The following YEATS2 variants were observed in gnomAD, a reference collection of about 807,000 sequenced individuals.
YEATS2 encodes the protein YEATS domain-containing protein 2.
YEATS2 carries 77 observed loss-of-function variants against 163.2 expected under a neutral mutation model. The observed-to-expected ratio is 0.47, with a 90% CI of 0.39 to 0.57. The LOEUF (loss-of-function observed/expected upper bound fraction) is 0.57, where lower values mean the gene tolerates loss of function less well. YEATS2 is among the 20% of genes least tolerant of loss of function. YEATS2 has a pLI of 0.00. For missense variants in YEATS2, 1,549 were observed against 1,729.8 expected (o/e 0.90, Z 1.85); for synonymous variants, 631 against 645.1 (o/e 0.98, Z 0.33).
chr3:183,806,921 G>A lies in YEATS2; in HGVS notation c.3840G>A (p.Leu1280=), dbSNP rs745833657. 1 of 1,614,034 alleles carries A rather than the reference G, an allele frequency of 6.2e-7. No individual in the cohort carries two copies. ...ADNLCRKLED[L]QQFQKREPEN... is the part of the protein sequence containing the mutation. Reference sequence around the variant, plus strand: ...ACCTCTGCCGCAAACTGGAGGACCTGCAACAGTTCCAGAAAAGGGAACCCG... The same window carrying A: ...ACCTCTGCCGCAAACTGGAGGACCTACAACAGTTCCAGAAAAGGGAACCCG... Residue 1280 remains leucine, a synonymous_variant, in exon 28 of 31, where the codon CTG becomes CTA. Transcript: ENST00000305135.
intron 7 of YEATS2, 59 bp downstream of exon 7, chr3:183,728,910 A>G: frequency 1.3e-6 from 2 of 1,486,194 alleles, no homozygotes; most frequent in Non-Finnish European, 1.8e-6. Context: ...TTGAAGTGGA[A>G]GAAAAGTGAT....
intron 3 of YEATS2, 144 bp downstream of exon 3, chr3:183,717,892 G>A (rs1228129686): frequency 5.2e-6 from 2 of 381,410 alleles, no homozygotes; most frequent in Non-Finnish European, 8.7e-6. Context: ...TAGCTTTCAT[G>A]TTTTGGGGAG....
chr3:183,729,251 G>A (rs1717454407), intron 7 of YEATS2, among the ~76,000 whole-genome samples: 1 of 149,914 alleles, frequency 6.7e-6, no homozygotes, highest in South Asian at 2.1e-4. Context: ...CAGCCTGGGC[G>A]ACAGAGCGAG....
At chr3:183,790,302 G>A (rs557983395) in intron 20 of YEATS2, among the ~76,000 whole-genome samples, 9 of 152,192 alleles carry the variant, frequency 5.9e-5, no homozygotes, top group African/African-American at 1.9e-4. Flanking sequence ...ATTATACTTA[G>A]GTGACTGTTT....
intron 21 of YEATS2, among the ~76,000 whole-genome samples, chr3:183,794,235 G>T (rs1314658615): frequency 2.6e-5 from 4 of 152,204 alleles, no homozygotes; most frequent in South Asian, 2.1e-4. Flanking sequence ...GGACCAGGAA[G>T]TAGACACTAA....
intron 25 of YEATS2, 118 bp downstream of exon 25, chr3:183,801,646 A>G: frequency 5.3e-6 from 4 of 756,292 alleles, no homozygotes; most frequent in Non-Finnish European, 8.2e-6. Context: ...TTACCTTATA[A>G]GGTTTCAGCT....
intron 9 of YEATS2, among the ~76,000 whole-genome samples, chr3:183,749,441 C>G (rs908763230): frequency 6.6e-6 from 1 of 152,010 alleles, no homozygotes; most frequent in Non-Finnish European, 1.5e-5. Context: ...CCACCCACTC[C>G]TCCCGCCCCC....
chr3:183,787,889 G>GCTA (rs1335059240), intron 20 of YEATS2, among the ~76,000 whole-genome samples: 2 of 151,866 alleles, frequency 1.3e-5, no homozygotes, highest in African/African-American at 4.8e-5. Flanking sequence ...TGTAGTCCCA[G>GCTA]CTACTCAGGA....
intron 15 of YEATS2, among the ~76,000 whole-genome samples, chr3:183,771,944 C>G (rs903187083): frequency 1.3e-5 from 2 of 152,000 alleles, no homozygotes; most frequent in African/African-American, 4.8e-5. Flanking sequence ...CCAGGCTGGT[C>G]TCGAACTCCT....
chr3:183,733,508 A>C (rs1012741169), intron 7 of YEATS2, among the ~76,000 whole-genome samples: 1 of 152,234 alleles, frequency 6.6e-6, no homozygotes, highest in Non-Finnish European at 1.5e-5. Flanking sequence ...TGGTGTAACC[A>C]ATATAAAGTA....
At chr3:183,782,823 C>T (rs1241867930) in intron 19 of YEATS2, among the ~76,000 whole-genome samples, 1 of 152,060 alleles carries the variant, frequency 6.6e-6, no homozygotes, top group Admixed American at 6.6e-5. Context: ...ATGGATAAAA[C>T]TGCCATAAAT....
intron 1 of YEATS2, among the ~76,000 whole-genome samples, chr3:183,704,314 A>G (rs184238388): frequency 1.3e-3 from 194 of 152,178 alleles, no homozygotes; most frequent in African/African-American, 4.5e-3. Flanking sequence ...ATGATGCATT[A>G]TGCTTTTAAT....
intron 17 of YEATS2, 139 bp downstream of exon 17, chr3:183,773,933 C>A: frequency 1.0e-6 from 1 of 976,208 alleles, no homozygotes; most frequent in Non-Finnish European, 1.4e-6. Context: ...AGCATTTGCT[C>A]AGATGGATTT....
chr3:183,701,112 C>T (rs1276449107), intron 1 of YEATS2, among the ~76,000 whole-genome samples: 27 of 149,128 alleles, frequency 1.8e-4, no homozygotes, highest in Non-Finnish European at 3.4e-4. Flanking sequence ...GAAGGAGTCT[C>T]GCTCTGTCGC....
chr3:183,774,780 C>G (rs10513795), intron 17 of YEATS2, among the ~76,000 whole-genome samples: 1 of 152,178 alleles, frequency 6.6e-6, no homozygotes, highest in South Asian at 2.1e-4. Context: ...GTCAGCTCAT[C>G]ATCCTTGCGT....
At chr3:183,797,312 G>T (rs1725247933) in intron 21 of YEATS2, among the ~76,000 whole-genome samples, 1 of 150,264 alleles carries the variant, frequency 6.7e-6, no homozygotes, top group Non-Finnish European at 1.5e-5. Flanking sequence ...GGAGGCCATG[G>T]TGGGAGGATC....
chr3:183,750,839 A>G (rs999769773), intron 9 of YEATS2, among the ~76,000 whole-genome samples: 1 of 152,194 alleles, frequency 6.6e-6, no homozygotes, highest in Admixed American at 6.5e-5. Flanking sequence ...TATATTCTGG[A>G]TAGTAACCCC....
intron 9 of YEATS2, 50 bp downstream of exon 9, chr3:183,747,766 G>T (rs762491725): frequency 6.4e-7 from 1 of 1,562,754 alleles, no homozygotes; most frequent in South Asian, 1.1e-5. Flanking sequence ...GATGAAAATT[G>T]ATCTTCATTT....
chr3:183,778,981 CTT>C (rs1167190587), intron 19 of YEATS2, among the ~76,000 whole-genome samples: 2 of 151,924 alleles, frequency 1.3e-5, no homozygotes, highest in African/African-American at 4.8e-5. Context: ...GAGACAGAGT[CTT>C]TATCTGTTGC....
Sources: gnomAD v4.1 joint callset for allele counts (sites outside exome capture counted in the v4.1 genomes callset) on GRCh38, gnomAD v4.1.1 for gene constraint, MANE v1.5 for transcripts, NCBI Gene and HGNC (gene_info 2026-07-23, HGNC 2026-07-21) for gene names.